Variants in DCC observed in about 807,000 individuals in gnomAD.
DCC encodes the protein netrin receptor DCC.
Under a neutral mutation model 172.5 loss-of-function variants are expected in DCC, and 58 were observed. The ratio of observed to expected loss-of-function variants is 0.34; its 90% CI spans 0.27 to 0.42. The LOEUF (loss-of-function observed/expected upper bound fraction) is 0.42. DCC is among the 10% of genes least tolerant of loss of function. The pLI, the probability that DCC is intolerant of heterozygous loss-of-function variation, is 1.00. For missense variants in DCC, 1,740 were observed against 1,791.0 expected, an observed-to-expected ratio of 0.97 and a Z score of 0.51; for synonymous variants, 709 against 644.5, an observed-to-expected ratio of 1.10 and a Z score of -1.52.
chr18:53,235,383 G>C (rs2056186268), intron 12 of DCC, among the ~76,000 whole-genome samples: 1 of 152,062 alleles, frequency 6.6e-6, no homozygotes, highest in Admixed American at 6.6e-5. Context: ...GTGATGCTTG[G>C]AATTATTTAT....
intron 1 of DCC, among the ~76,000 whole-genome samples, chr18:52,440,187 T>C (rs1394609673): frequency 6.6e-6 from 1 of 152,182 alleles, no homozygotes; most frequent in East Asian, 1.9e-4. Flanking sequence ...TCCATCGCAG[T>C]GCCATTCATC....
At chr18:52,764,593 T>C (rs893581092) in intron 2 of DCC, among the ~76,000 whole-genome samples, 4 of 152,240 alleles carry the variant, frequency 2.6e-5, no homozygotes, top group Admixed American at 2.0e-4. Flanking sequence ...ATGTGATGTC[T>C]GTACATGCTG....
At chr18:53,351,352 C>G (rs1172303343) in intron 15 of DCC, among the ~76,000 whole-genome samples, 26 of 47,820 alleles carry the variant, frequency 5.4e-4, no homozygotes, top group Non-Finnish European at 1.0e-3. Context: ...TATATATACA[C>G]AGTATATATA....
chr18:52,953,425 A>G (rs2040691135), intron 5 of DCC, among the ~76,000 whole-genome samples: 1 of 152,162 alleles, frequency 6.6e-6, no homozygotes, highest in African/African-American at 2.4e-5. Flanking sequence ...ATTCTCCCAC[A>G]GGATATATTG....
At chr18:52,854,454 G>A (rs145742272) in intron 2 of DCC, among the ~76,000 whole-genome samples, 4 of 152,140 alleles carry the variant, frequency 2.6e-5, no homozygotes, top group African/African-American at 9.7e-5. Flanking sequence ...CTACCTTAAA[G>A]TAAACCTACC....
chr18:52,583,157 G>A (rs1054999227), intron 1 of DCC, among the ~76,000 whole-genome samples: 27 of 152,088 alleles, frequency 1.8e-4, no homozygotes, highest in African/African-American at 6.3e-4. Flanking sequence ...TAAGCTGTAT[G>A]AGGATACAAT....
rs925328522 is a variant in DCC at position 53,128,844 on chromosome 18, C to T, written c.1262-28512C>T. On this transcript the variant is annotated intron_variant, in intron 7 of 28. Coordinates refer to ENST00000442544, the MANE Select transcript of DCC (RefSeq NM_005215.4). ...GTGTATACACATACACACACACACA[C>T]ACACACACACACACACACACACACA... Among the ~76,000 whole-genome samples, 7 of 60,784 alleles carry T rather than the reference C, an allele frequency of 1.2e-4. No homozygotes were observed. The East Asian group carries it at 2.8e-3, about 25-fold the overall frequency. The allele number at this position is 60,784 out of a possible 152,430, so 39.9% of individuals were successfully genotyped here.
chr18:52,868,731 G>C (rs2145377336), intron 2 of DCC, among the ~76,000 whole-genome samples: 1 of 152,352 alleles, frequency 6.6e-6, no homozygotes, highest in South Asian at 2.1e-4. Flanking sequence ...CAGCCTGGCA[G>C]ACACTGCTCA....
chr18:53,479,677 C>A (rs1173485783), intron 25 of DCC, among the ~76,000 whole-genome samples: 1 of 152,002 alleles, frequency 6.6e-6, no homozygotes, highest in African/African-American at 2.4e-5. Context: ...AGGGATCTGA[C>A]AAAGGGTTGG....
intron 15 of DCC, among the ~76,000 whole-genome samples, chr18:53,352,796 C>T (rs911642945): frequency 1.3e-5 from 2 of 152,020 alleles, no homozygotes; most frequent in African/African-American, 2.4e-5. Context: ...TCTGTTGTCC[C>T]ACCTTTGTAT....
rs185444369 is a variant in DCC, at chr18:53,163,511, G to A, written c.1418+5999G>A. Among the ~76,000 whole-genome samples, 8 of 152,240 alleles carry A rather than the reference G, an allele frequency of 5.3e-5. No individual in the cohort carries two copies. In the East Asian group the frequency reaches 5.8e-4, roughly 11 times the overall value. Reference sequence around the variant, plus strand: ...GCTTGACACAATACCTTTCTAAAACGTTGTGAATTTAACATTTATCTCAGA... The same window carrying A: ...GCTTGACACAATACCTTTCTAAAACATTGTGAATTTAACATTTATCTCAGA... On this transcript the variant is annotated intron_variant, in intron 8 of 28. Coordinates refer to ENST00000442544, the MANE Select transcript of DCC (RefSeq NM_005215.4).
At chr18:52,449,718 C>G (rs1174121524) in intron 1 of DCC, among the ~76,000 whole-genome samples, 1 of 152,124 alleles carries the variant, frequency 6.6e-6, no homozygotes, top group East Asian at 1.9e-4. Context: ...TCCATAATTC[C>G]CATGTGTCAT....
chr18:52,592,105 T>C (rs1031804883), intron 1 of DCC, among the ~76,000 whole-genome samples: 1 of 152,208 alleles, frequency 6.6e-6, no homozygotes, highest in Non-Finnish European at 1.5e-5. Context: ...ATTTTTCTGT[T>C]TTTACTTTTG....
chr18:53,510,062 A>G (rs2046231864), intron 27 of DCC, among the ~76,000 whole-genome samples: 2 of 152,354 alleles, frequency 1.3e-5, no homozygotes, highest in African/African-American at 4.8e-5. Context: ...TCAGTAGATC[A>G]GAGCCACCGC....
intron 1 of DCC, among the ~76,000 whole-genome samples, chr18:52,711,208 G>A (rs1448649978): frequency 6.6e-6 from 1 of 152,030 alleles, no homozygotes; most frequent in Non-Finnish European, 1.5e-5. Context: ...AAAGATATAA[G>A]GATGAGACCT....
chr18:52,602,397 C>G (rs2034034511), intron 1 of DCC, among the ~76,000 whole-genome samples: 1 of 27,828 alleles, frequency 3.6e-5, no homozygotes, highest in Non-Finnish European at 9.7e-5. Context: ...CCCTTAGTAT[C>G]AAAGTGTGTG....
At chr18:53,004,968 G>A (rs1378019148) in intron 5 of DCC, among the ~76,000 whole-genome samples, 1 of 152,166 alleles carries the variant, frequency 6.6e-6, no homozygotes, top group Non-Finnish European at 1.5e-5. Flanking sequence ...CTGCCCTAAC[G>A]AATGAATAAA....
chr18:52,673,127 C>T (rs982545505), intron 1 of DCC, among the ~76,000 whole-genome samples: 2 of 152,102 alleles, frequency 1.3e-5, no homozygotes, highest in Non-Finnish European at 2.9e-5. Context: ...ATAATAAACT[C>T]TTGCTGTTTA....
At chr18:53,353,068 G>A (rs548852103) in intron 15 of DCC, among the ~76,000 whole-genome samples, 186 of 151,966 alleles carry the variant, frequency 1.2e-3, no homozygotes, top group Non-Finnish European at 2.3e-3. Flanking sequence ...AAAATAATAT[G>A]TGAGTTCGAG....
Sources: allele counts gnomAD v4.1 joint callset (sites outside exome capture counted in the v4.1 genomes callset), GRCh38; gene constraint gnomAD v4.1.1; transcripts MANE v1.5; gene names NCBI Gene and HGNC (gene_info 2026-07-23, HGNC 2026-07-21).